The following PPP2R5A variants were observed in gnomAD, a reference collection of about 807,000 sequenced individuals.
PPP2R5A encodes the protein serine/threonine-protein phosphatase 2A 56 kDa regulatory subunit alpha isoform.
In PPP2R5A, 25 loss-of-function variants were observed where a neutral mutation model predicts 64.2. The ratio of observed to expected loss-of-function variants is 0.39; its 90% CI spans 0.28 to 0.54. The LOEUF is 0.54. Ranked by LOEUF, PPP2R5A falls within the 20% of genes least tolerant of loss-of-function variation. The pLI is 0.67. For missense variants in PPP2R5A, 425 were observed against 576.3 expected (o/e 0.74, Z 2.69); for synonymous variants, 198 against 201.2 (o/e 0.98, Z 0.13).
At chr1:212,317,624 ATCTTACTG>A (rs1197528988) in intron 1 of PPP2R5A, among the ~76,000 whole-genome samples, 1 of 151,840 alleles carries the variant, frequency 6.6e-6, no homozygotes, top group African/African-American at 2.4e-5. Flanking sequence ...CACTAACTTG[ATCTTACTG>A]CCCACCAATG....
intron 8 of PPP2R5A, among the ~76,000 whole-genome samples, chr1:212,349,903 G>A (rs897968291): frequency 6.6e-6 from 1 of 152,106 alleles, no homozygotes; most frequent in Non-Finnish European, 1.5e-5. Context: ...TAAAAGCATA[G>A]AAAACATTTT....
At chr1:212,293,490 G>A (rs351395) in intron 1 of PPP2R5A, among the ~76,000 whole-genome samples, 126,656 of 152,188 alleles carry the variant, frequency 0.83, 53,127 homozygotes, top group African/African-American at 0.94. Context: ...AAAGAGTTTT[G>A]TATGACAGAC....
intron 7 of PPP2R5A, among the ~76,000 whole-genome samples, chr1:212,348,900 A>G (rs1659829208): frequency 6.6e-6 from 1 of 152,152 alleles, no homozygotes; most frequent in Non-Finnish European, 1.5e-5. Context: ...ATGCTGAAAA[A>G]CTAAATTGTT....
chr1:212,356,653 C>T lies in PPP2R5A; in HGVS notation c.955C>T (p.Pro319Ser). The T allele has an allele frequency of 6.2e-7, 1 of 1,611,768 alleles. No homozygotes were observed. Among genetic ancestry groups the T allele is most frequent in the Non-Finnish European group, 8.5e-7 (1 of 1,179,106 alleles). Residue 319 changes from proline (P) to serine (S), a missense_variant, in exon 9 of 13, where the codon CCA becomes TCA. Coordinates refer to ENST00000261461, the MANE Select transcript of PPP2R5A (RefSeq NM_006243.4). ...PVIRGLLKFW[P>S]KTCSQKEVMF... ...GATCAGAGGACTGCTGAAATTTTGG[C>T]CAAAAACCTGCAGTCAGAAAGAGGT...
At chr1:212,319,951 T>G (rs1457241973) in intron 1 of PPP2R5A, among the ~76,000 whole-genome samples, 1 of 148,484 alleles carries the variant, frequency 6.7e-6, no homozygotes, top group Non-Finnish European at 1.5e-5. Context: ...CAGATTGTTT[T>G]TTTTTTTTTT....
At chr1:212,287,337 C>T (rs1413327986) in intron 1 of PPP2R5A, among the ~76,000 whole-genome samples, 1 of 152,220 alleles carries the variant, frequency 6.6e-6, no homozygotes, top group Non-Finnish European at 1.5e-5. Context: ...TCCCTATCAT[C>T]TGATGTTCAG....
chr1:212,307,745 T>C (rs1658947134), intron 1 of PPP2R5A, among the ~76,000 whole-genome samples: 1 of 152,232 alleles, frequency 6.6e-6, no homozygotes, highest in South Asian at 2.1e-4. Flanking sequence ...TGCTTGAGCC[T>C]GAAGGAAATC....
intron 1 of PPP2R5A, among the ~76,000 whole-genome samples, chr1:212,323,047 A>G (rs1312402500): frequency 6.6e-6 from 1 of 152,148 alleles, no homozygotes; most frequent in East Asian, 1.9e-4. Context: ...CAGCCTCCCA[A>G]AGTGCTGGGA....
At chr1:212,340,016 A>AAG (rs1553276226) in intron 3 of PPP2R5A, among the ~76,000 whole-genome samples, 56 of 146,140 alleles carry the variant, frequency 3.8e-4, no homozygotes, top group African/African-American at 1.3e-3. Context: ...AAAAAAAAAA[A>AAG]GCCAGGCATG....
chr1:212,306,177 T>C (rs2102417130), intron 1 of PPP2R5A, among the ~76,000 whole-genome samples: 1 of 152,100 alleles, frequency 6.6e-6, no homozygotes, highest in East Asian at 1.9e-4. Flanking sequence ...TTAGATAGGG[T>C]GGGCACGTAA....
chr1:212,338,334 T>TAGCC (rs1659624682), intron 3 of PPP2R5A, among the ~76,000 whole-genome samples: 1 of 152,254 alleles, frequency 6.6e-6, no homozygotes, highest in Non-Finnish European at 1.5e-5. Flanking sequence ...GTAGAAGGAC[T>TAGCC]AGCCATACAT....
intron 1 of PPP2R5A, among the ~76,000 whole-genome samples, chr1:212,326,565 C>T (rs1344751743): frequency 6.6e-6 from 1 of 152,144 alleles, no homozygotes; most frequent in Non-Finnish European, 1.5e-5. Flanking sequence ...CCACCACACT[C>T]TAGCCTGGGC....
chr1:212,297,158 A>T (rs2440735), intron 1 of PPP2R5A, among the ~76,000 whole-genome samples: 1 of 127,264 alleles, frequency 7.9e-6, no homozygotes, highest in South Asian at 2.7e-4. Flanking sequence ...GTCTCACTCT[A>T]TCGCCCAGGC....
chr1:212,319,022 T>C (rs1421881953), intron 1 of PPP2R5A, among the ~76,000 whole-genome samples: 1 of 152,246 alleles, frequency 6.6e-6, no homozygotes, highest in African/African-American at 2.4e-5. Flanking sequence ...TAGAGGTCAC[T>C]AGGACCTTAA....
chr1:212,314,782 C>G (rs1351876102), intron 1 of PPP2R5A, among the ~76,000 whole-genome samples: 1 of 151,824 alleles, frequency 6.6e-6, no homozygotes, highest in Admixed American at 6.6e-5. Flanking sequence ...AGGTTGGTCT[C>G]AACTCCTGAC....
intron 5 of PPP2R5A, among the ~76,000 whole-genome samples, chr1:212,346,173 T>C (rs1019406871): frequency 6.6e-6 from 1 of 152,074 alleles, no homozygotes; most frequent in Non-Finnish European, 1.5e-5. Context: ...GGTAATTTTT[T>C]TGACTTTTAG....
At chr1:212,317,232 A>C (rs1294207738) in intron 1 of PPP2R5A, among the ~76,000 whole-genome samples, 3 of 151,704 alleles carry the variant, frequency 2.0e-5, no homozygotes, top group African/African-American at 7.3e-5. Context: ...GTGGGTTTTT[A>C]TCTCTTTTTT....
chr1:212,342,513 TATC>T (rs1248846370), intron 4 of PPP2R5A, among the ~76,000 whole-genome samples: 2 of 152,190 alleles, frequency 1.3e-5, no homozygotes, highest in East Asian at 1.9e-4. Flanking sequence ...AATCCTAAAT[TATC>T]ATAGTTATTT....
chr1:212,290,574 T>C (rs1295291045), intron 1 of PPP2R5A, among the ~76,000 whole-genome samples: 1 of 152,248 alleles, frequency 6.6e-6, no homozygotes, highest in African/African-American at 2.4e-5. Flanking sequence ...AATAAAGTGT[T>C]CACTGCTAGT....
Sources: gnomAD v4.1 joint callset for allele counts (sites outside exome capture counted in the v4.1 genomes callset) on GRCh38, gnomAD v4.1.1 for gene constraint, MANE v1.5 for transcripts, NCBI Gene and HGNC (gene_info 2026-07-23, HGNC 2026-07-21) for gene names.